Variants in ASIC2 observed in about 807,000 individuals in gnomAD.
The protein encoded by ASIC2 is acid-sensing ion channel 2.
In ASIC2, 25 loss-of-function variants were observed where a neutral mutation model predicts 57.3. The ratio of observed to expected loss-of-function variants is 0.44; its 90% CI spans 0.32 to 0.61. The LOEUF is 0.61. Among genes scored for constraint, ASIC2 ranks in the 20% least tolerant of loss-of-function variants. ASIC2 has a pLI of 0.06. For missense variants in ASIC2, 641 were observed against 738.1 expected (o/e 0.87, Z 1.52); for synonymous variants, 319 against 307.5 (o/e 1.04, Z -0.39).
At chr17:33,563,076 C>T (rs1217123437) in intron 1 of ASIC2, among the ~76,000 whole-genome samples, 19 of 152,148 alleles carry the variant, frequency 1.2e-4, no homozygotes, top group Admixed American at 1.2e-3. Context: ...CCAAAGGAAC[C>T]ATGATGGCAC....
intron 1 of ASIC2, among the ~76,000 whole-genome samples, chr17:33,473,188 G>T (rs1382724995): frequency 6.6e-6 from 1 of 152,250 alleles, no homozygotes; most frequent in Non-Finnish European, 1.5e-5. Flanking sequence ...AGGCCCTGGG[G>T]CAGGGACTGG....
chr17:33,585,453 C>G (rs1904592592), intron 1 of ASIC2, among the ~76,000 whole-genome samples: 1 of 152,136 alleles, frequency 6.6e-6, no homozygotes, highest in Non-Finnish European at 1.5e-5. Context: ...TAAACCAAAC[C>G]CAGAACAAAT....
At chr17:33,377,277 CTG>C (rs779237065) in intron 1 of ASIC2, among the ~76,000 whole-genome samples, 3 of 152,182 alleles carry the variant, frequency 2.0e-5, no homozygotes, top group Non-Finnish European at 4.4e-5. Flanking sequence ...TCTCAAACTC[CTG>C]ACCTCAAGGG....
chr17:34,018,975 T>A (rs560974929), intron 1 of ASIC2, among the ~76,000 whole-genome samples: 18 of 152,252 alleles, frequency 1.2e-4, no homozygotes, highest in African/African-American at 4.3e-4. Context: ...TGGCGCGATC[T>A]TGGCTCACTG....
In ASIC2 at chr17:33,436,850, C is replaced by CTTTTTTTTTTTTTTTTT. The variant is rs1244300127; in HGVS notation, c.556-324784_556-324783insAAAAAAAAAAAAAAAAA. On this transcript the variant is annotated intron_variant, in intron 1 of 9. Transcript: ENST00000359872. Reference sequence around the variant, plus strand: ...TGCAATGCCTTAAAACACATTCCAACTTCTTTTTTTTTTTTTTTTTTTTTT... The same window carrying CTTTTTTTTTTTTTTTTT: ...TGCAATGCCTTAAAACACATTCCAACTTTTTTTTTTTTTTTTTTTCTTTTTTTTTTTTTTTTTTTTTT... 1.2e-4 allele frequency among the ~76,000 whole-genome samples: 9 copies of CTTTTTTTTTTTTTTTTT among 76,036 alleles called. 4 individuals are homozygous for CTTTTTTTTTTTTTTTTT. The highest frequency in any genetic ancestry group is 5.5e-5 in the Non-Finnish European group (2 of 36,466). The allele number at this position is 76,036 out of a possible 152,430, so 49.9% of individuals were successfully genotyped here.
At position 33,164,516 on chromosome 17, in the gene ASIC2, T is replaced by G. The variant is rs560121431; in HGVS notation, c.709-52449A>C. On this transcript the variant is annotated intron_variant, in intron 1 of 9. Coordinates refer to ENST00000225823, the MANE Select transcript of ASIC2 (RefSeq NM_183377.2). ...ACCTCAGGCAGGAATGGAGGCGGCA[T>G]TGGAGGGGTAGAGAGCTCACCAGGC... 1.1e-3 allele frequency among the ~76,000 whole-genome samples: 160 copies of G among 151,746 alleles called. 1 individual carries two copies. Among genetic ancestry groups the G allele is most frequent in the Non-Finnish European group, 1.7e-3 (118 of 67,938 alleles).
At chr17:34,052,110 T>TTCA (rs1280833283) in intron 1 of ASIC2, among the ~76,000 whole-genome samples, 1 of 152,216 alleles carries the variant, frequency 6.6e-6, no homozygotes, top group African/African-American at 2.4e-5. Context: ...CACTCATTCA[T>TTCA]TCATTCACTC....
chr17:33,659,596 C>T (rs756788694), intron 1 of ASIC2, among the ~76,000 whole-genome samples: 29 of 152,070 alleles, frequency 1.9e-4, no homozygotes, highest in South Asian at 2.1e-4. Flanking sequence ...CCTGGCGGGG[C>T]GCGGTGGCTC....
At chr17:33,583,734 G>A (rs1405649381) in intron 1 of ASIC2, among the ~76,000 whole-genome samples, 5 of 152,152 alleles carry the variant, frequency 3.3e-5, no homozygotes, top group East Asian at 1.9e-4. Flanking sequence ...CCATAGCACC[G>A]AACATACCAA....
intron 1 of ASIC2, among the ~76,000 whole-genome samples, chr17:33,449,909 C>G (rs1298751860): frequency 6.6e-6 from 1 of 152,044 alleles, no homozygotes; most frequent in African/African-American, 2.4e-5. Context: ...GATAGGGTTA[C>G]AGGCATGTGC....
intron 1 of ASIC2, among the ~76,000 whole-genome samples, chr17:33,114,645 A>G (rs2092273527): frequency 6.6e-6 from 1 of 152,222 alleles, no homozygotes; most frequent in Non-Finnish European, 1.5e-5. Flanking sequence ...TGGCCCTGCC[A>G]AAGCATGCCC....
intron 1 of ASIC2, among the ~76,000 whole-genome samples, chr17:33,888,713 C>A (rs1477184262): frequency 6.6e-6 from 1 of 152,062 alleles, no homozygotes; most frequent in Non-Finnish European, 1.5e-5. Flanking sequence ...GATGAGAAGG[C>A]AATTAAAATA....
rs553071587 is a variant in ASIC2, at chr17:33,605,351, C to T, written c.556-493284G>A. On this transcript the variant is annotated intron_variant, in intron 1 of 9. Coordinates refer to the ASIC2 transcript ENST00000359872. ...CTCCTGTGCAGGGTCTGTTTAAAAA[C>T]CCTCAGTGATATGCAAAAAGAGGGT... 2.0e-5 allele frequency among the ~76,000 whole-genome samples: 3 copies of T among 152,310 alleles called. No homozygotes were observed. The South Asian group carries it at 6.2e-4, about 32-fold the overall frequency.
At chr17:33,659,879 T>C (rs1597824793) in intron 1 of ASIC2, among the ~76,000 whole-genome samples, 1 of 53,286 alleles carries the variant, frequency 1.9e-5, no homozygotes, top group African/African-American at 5.9e-5. Flanking sequence ...CTCAAATAAA[T>C]AAATAAATAA....
Position 33,182,372 on chromosome 17 carries a change from A to G in ASIC2, c.709-70305T>C, listed in dbSNP as rs186025834. ...GGTTCTTATAAAGAACCAGTAAGAT[A>G]ATAAATGGAAAGCTTGTATGAACCC... On this transcript the variant is annotated intron_variant, in intron 1 of 9. Transcript: ENST00000225823. 8.3e-4 allele frequency among the ~76,000 whole-genome samples: 126 copies of G among 152,282 alleles called. 2 individuals are homozygous for G. The East Asian group carries it at 0.019, about 23-fold the overall frequency.
intron 3 of ASIC2, among the ~76,000 whole-genome samples, chr17:33,047,633 C>A (rs1598252087): frequency 6.6e-6 from 1 of 152,202 alleles, no homozygotes; most frequent in African/African-American, 2.4e-5. Flanking sequence ...AGCCACTATG[C>A]CTGGCCTTAC....
At chr17:33,211,464 C>G (rs1306927354) in intron 1 of ASIC2, among the ~76,000 whole-genome samples, 2 of 151,438 alleles carry the variant, frequency 1.3e-5, no homozygotes, top group East Asian at 1.9e-4. Context: ...ACCAAGGTGA[C>G]CCCAGGGATC....
At position 33,968,586 on chromosome 17, in the gene ASIC2, T is replaced by C. The variant is rs1905137541; in HGVS notation, c.555+187392A>G. Among the ~76,000 whole-genome samples, 2 of 152,120 alleles carry C rather than the reference T, an allele frequency of 1.3e-5. 1 individual carries two copies. Among genetic ancestry groups the C allele is most frequent in the South Asian group, 4.2e-4 (2 of 4,812 alleles). On this transcript the variant is annotated intron_variant, in intron 1 of 9. Coordinates refer to the ASIC2 transcript ENST00000359872. Reference sequence around the variant, plus strand: ...GTTTCTTAATGGCCTGCCTCTATATTTAGCCTGAAATACCTCAATCTCTGA... The same window carrying C: ...GTTTCTTAATGGCCTGCCTCTATATCTAGCCTGAAATACCTCAATCTCTGA...
At chr17:33,696,381 A>G (rs1022463806) in intron 1 of ASIC2, among the ~76,000 whole-genome samples, 1 of 152,208 alleles carries the variant, frequency 6.6e-6, no homozygotes, top group African/African-American at 2.4e-5. Context: ...GGACCGGAGC[A>G]AAGAGACACA....
Sources: gnomAD v4.1 joint callset for allele counts (sites outside exome capture counted in the v4.1 genomes callset) on GRCh38, gnomAD v4.1.1 for gene constraint, MANE v1.5 for transcripts, NCBI Gene and HGNC (gene_info 2026-07-23, HGNC 2026-07-21) for gene names.